The following CNTN4 variants were observed in gnomAD, a reference collection of about 807,000 sequenced individuals.
The protein encoded by CNTN4 is contactin 4.
Under a neutral mutation model 122.5 loss-of-function variants are expected in CNTN4, and 77 were observed. That is an observed-to-expected ratio of 0.63 (90% CI 0.52 to 0.76). The LOEUF (loss-of-function observed/expected upper bound fraction) is 0.76, where lower values mean the gene tolerates loss of function less well. Among genes scored for constraint, CNTN4 ranks in the 30% least tolerant of loss-of-function variants. The pLI is 0.00. For missense variants in CNTN4, 1,256 were observed against 1,259.1 expected (o/e 1.00, Z 0.04); for synonymous variants, 512 against 447.0 (o/e 1.15, Z -1.83).
intron 6 of CNTN4, among the ~76,000 whole-genome samples, chr3:2,808,270 T>C (rs2092517452): frequency 6.6e-6 from 1 of 152,180 alleles, no homozygotes; most frequent in Non-Finnish European, 1.5e-5. Flanking sequence ...GATTACTGAC[T>C]TTATCATGGC....
intron 2 of CNTN4, among the ~76,000 whole-genome samples, chr3:2,209,041 A>T (rs1244860892): frequency 6.6e-6 from 1 of 152,186 alleles, no homozygotes; most frequent in African/African-American, 2.4e-5. Flanking sequence ...ATTCACAATA[A>T]TTCTGAAGTG....
intron 3 of CNTN4, among the ~76,000 whole-genome samples, chr3:2,564,686 A>C (rs1384836397): frequency 2.6e-5 from 4 of 152,084 alleles, no homozygotes; most frequent in Non-Finnish European, 5.9e-5. Context: ...TGATCTTTTG[A>C]AATATCACTG....
intron 6 of CNTN4, among the ~76,000 whole-genome samples, chr3:2,788,421 G>C (rs1057096295): frequency 1.9e-4 from 29 of 152,260 alleles, no homozygotes; most frequent in African/African-American, 6.5e-4. Context: ...ATAGAATTTG[G>C]AGATAGAAAT....
chr3:2,627,698 T>C (rs551279116), intron 4 of CNTN4, among the ~76,000 whole-genome samples: 17 of 152,088 alleles, frequency 1.1e-4, no homozygotes, highest in South Asian at 2.1e-4. Flanking sequence ...TTTCACCGTG[T>C]TAGCCAGGAT....
rs1031857036 is a variant in CNTN4, at chr3:2,138,457, T to C, written c.-145+37818T>C. Among the ~76,000 whole-genome samples, 5 of 152,156 alleles carry C rather than the reference T, an allele frequency of 3.3e-5. No homozygotes were observed. The East Asian group carries it at 9.6e-4, about 29-fold the overall frequency. ...TGACATGGCTAATTTTAGGTCAACT[T>C]GACTGTATCATGGGGTGCCTGGATA... On this transcript the variant is annotated intron_variant, in intron 2 of 24. Coordinates refer to ENST00000418658, the MANE Select transcript of CNTN4 (RefSeq NM_175607.3).
chr3:2,713,032 T>G (rs1037350220), intron 4 of CNTN4, among the ~76,000 whole-genome samples: 5 of 152,196 alleles, frequency 3.3e-5, no homozygotes, highest in African/African-American at 1.2e-4. Flanking sequence ...CCTGTGTTAT[T>G]TGAGCCACTC....
At chr3:2,667,247 C>T (rs1441815130) in intron 4 of CNTN4, among the ~76,000 whole-genome samples, 3 of 152,186 alleles carry the variant, frequency 2.0e-5, no homozygotes, top group Non-Finnish European at 2.9e-5. Context: ...TCCTCTCCAG[C>T]ACCTGCTGTT....
chr3:2,401,172 T>C (rs1324295977), intron 3 of CNTN4, among the ~76,000 whole-genome samples: 1 of 152,122 alleles, frequency 6.6e-6, no homozygotes, highest in African/African-American at 2.4e-5. Flanking sequence ...CTTTGCAGAG[T>C]ATCTGAGTTA....
In CNTN4 at chr3:2,276,000, G is replaced by T. The variant is rs371149802; in HGVS notation, c.-144-63178G>T. Reference sequence around the variant, plus strand: ...AATATCAGGTGAGTATAAAATCATTGGTAATTCTAACAACTGAAATTAATA... The same window carrying T: ...AATATCAGGTGAGTATAAAATCATTTGTAATTCTAACAACTGAAATTAATA... On this transcript the variant is annotated intron_variant, in intron 2 of 24. Transcript: ENST00000418658. Among the ~76,000 whole-genome samples the T allele has an allele frequency of 1.7e-4, 26 of 150,842 alleles. No individual in the cohort carries two copies. The East Asian group carries it at 2.5e-3, about 15-fold the overall frequency.
intron 4 of CNTN4, among the ~76,000 whole-genome samples, chr3:2,681,603 T>C (rs1430368472): frequency 1.3e-5 from 2 of 151,636 alleles, no homozygotes; most frequent in Non-Finnish European, 2.9e-5. Flanking sequence ...TTTCTGTATA[T>C]GATGAACTTG....
chr3:2,676,595 C>T (rs1347213462), intron 4 of CNTN4, among the ~76,000 whole-genome samples: 6 of 152,258 alleles, frequency 3.9e-5, no homozygotes, highest in Admixed American at 2.6e-4. Context: ...GGAGAAACCT[C>T]ATTTGAAGTG....
chr3:2,414,774 T>A lies in CNTN4; in HGVS notation c.-89+75541T>A, dbSNP rs188347670. ...GAGAAAGAAGGAATATTCAAAATTA[T>A]TTTTATAAAGCCACCATTACATTAA... On this transcript the variant is annotated intron_variant, in intron 3 of 24. Transcript: ENST00000418658. Among the ~76,000 whole-genome samples the A allele has an allele frequency of 1.4e-4, 22 of 152,262 alleles. No homozygotes were observed. In the East Asian group the frequency reaches 4.1e-3, roughly 28 times the overall value.
At chr3:2,533,041 T>C (rs1242973837) in intron 3 of CNTN4, among the ~76,000 whole-genome samples, 1 of 152,120 alleles carries the variant, frequency 6.6e-6, no homozygotes, top group East Asian at 1.9e-4. Flanking sequence ...GTTTTCATTA[T>C]TGACTTTCTT....
intron 4 of CNTN4, among the ~76,000 whole-genome samples, chr3:2,594,285 A>G (rs182506346): frequency 2.0e-5 from 3 of 152,292 alleles, no homozygotes; most frequent in Admixed American, 6.5e-5. Flanking sequence ...GGCCAATTCT[A>G]TACACAAAGT....
intron 3 of CNTN4, among the ~76,000 whole-genome samples, chr3:2,504,372 C>T (rs770886771): frequency 1.7e-4 from 26 of 152,132 alleles, no homozygotes; most frequent in Non-Finnish European, 2.8e-4. Flanking sequence ...TAGTTGATAT[C>T]GGCTTCTGTT....
chr3:2,750,260 A>G (rs966285900), intron 6 of CNTN4, among the ~76,000 whole-genome samples: 2 of 152,176 alleles, frequency 1.3e-5, no homozygotes, highest in Admixed American at 6.5e-5. Context: ...TTTATTTACC[A>G]TGTTACAATT....
intron 3 of CNTN4, among the ~76,000 whole-genome samples, chr3:2,404,612 C>T (rs998916141): frequency 6.6e-6 from 1 of 152,108 alleles, no homozygotes; most frequent in African/African-American, 2.4e-5. Flanking sequence ...CATATGATTA[C>T]ATTGGGCCAA....
chr3:2,586,097 T>C (rs1170801843), intron 4 of CNTN4, among the ~76,000 whole-genome samples: 1 of 152,204 alleles, frequency 6.6e-6, no homozygotes, highest in Non-Finnish European at 1.5e-5. Context: ...GGTACCTCTG[T>C]ACCTCTGTAT....
At chr3:3,036,811 A>G (rs6810018) in intron 17 of CNTN4, among the ~76,000 whole-genome samples, 68,321 of 151,436 alleles carry the variant, frequency 0.45, 15,643 homozygotes, top group African/African-American at 0.47. Flanking sequence ...GAAAAAAAGA[A>G]TATAATACTT....
Sources: gnomAD v4.1 joint callset for allele counts (sites outside exome capture counted in the v4.1 genomes callset) on GRCh38, gnomAD v4.1.1 for gene constraint, MANE v1.5 for transcripts, NCBI Gene and HGNC (gene_info 2026-07-23, HGNC 2026-07-21) for gene names.